SSC5D: variants seen among roughly 807,000 people sequenced by gnomAD.
The protein encoded by SSC5D is scavenger receptor cysteine rich family member with 5 domains.
Under a neutral mutation model 104.6 loss-of-function variants are expected in SSC5D, and 106 were observed. The ratio of observed to expected loss-of-function variants is 1.01; its 90% CI spans 0.87 to 1.19. SSC5D has a LOEUF of 1.19. Ranked by LOEUF, SSC5D falls within the 50% of genes most tolerant of loss-of-function variation. The pLI is 0.00. For missense variants in SSC5D, 1,993 were observed against 2,153.8 expected (o/e 0.93, Z 1.48); for synonymous variants, 860 against 883.5 (o/e 0.97, Z 0.47).
rs770025178 is a variant in SSC5D at position 55,519,037 on chromosome 19, C to CA, written c.*47dup. ...TTGAGGGGCTTAAGACACCCCCAAC[C>CA]AAAAAAAACAAAAACAAAAAAAACC... On this transcript the variant is annotated 3_prime_UTR_variant, in exon 14 of 14. Transcript: ENST00000389623. 7.9e-5 allele frequency: 118 copies of CA among 1,493,402 alleles called. No individual in the cohort carries two copies. The highest frequency in any genetic ancestry group is 4.2e-4 in the African/African-American group (29 of 69,742). The allele number at this position is 1,493,402 out of a possible 1,614,324, so 92.5% of individuals were successfully genotyped here.
chr19:55,490,302 C>T lies in SSC5D; in HGVS notation c.480C>T (p.Pro160=). The T allele has an allele frequency of 9.0e-7, 1 of 1,115,594 alleles. No homozygotes were observed. Among genetic ancestry groups the T allele is most frequent in the Non-Finnish European group, 1.3e-6 (1 of 756,820 alleles). The allele number at this position is 1,115,594 out of a possible 1,614,324, so 69.1% of individuals were successfully genotyped here. Residue 160 remains proline, a synonymous_variant, in exon 5 of 14, where the codon CCC becomes CCT. Coordinates refer to ENST00000389623, the MANE Select transcript of SSC5D (RefSeq NM_001144950.2). ...CCTGGCTGTCTCCACTCCCAGCCCC[C>T]CGCCCAGCTGGGAACCCCCAGAACG... The part of the protein sequence containing the change: ...STEEPLVTHA[P]RPAGNPQNAS...
intron 12 of SSC5D, among the ~76,000 whole-genome samples, chr19:55,507,316 C>G (rs1346851724): frequency 1.4e-5 from 2 of 144,582 alleles, no homozygotes; most frequent in Non-Finnish European, 3.0e-5. Flanking sequence ...TGCACTGCAG[C>G]CTGGATGAGT....
chr19:55,501,202 G>A lies in SSC5D; in HGVS notation c.2785+1G>A, dbSNP rs1321439150. The A allele has an allele frequency of 2.0e-6, 3 of 1,516,422 alleles. No individual in the cohort carries two copies. The highest frequency in any genetic ancestry group is 2.6e-6 in the Non-Finnish European group (3 of 1,133,076). 93.9% of individuals were successfully genotyped at this position (1,516,422 alleles called of 1,614,324 possible). A position where few individuals can be genotyped will look rare whatever the true frequency, so the allele number is the denominator to read the frequency against. ...GCAATAAGGCGCCTGCCGGACACAG[G>A]TGAGAGGCCTGATTGGGGTGGCCAT... On this transcript the variant is annotated splice_donor_variant, in intron 12 of 13. Coordinates refer to ENST00000389623, the MANE Select transcript of SSC5D (RefSeq NM_001144950.2). LOFTEE classifies it high-confidence loss of function.
At chr19:55,516,451 C>T (rs1442669433) in intron 13 of SSC5D, among the ~76,000 whole-genome samples, 5 of 151,388 alleles carry the variant, frequency 3.3e-5, no homozygotes, top group Non-Finnish European at 5.9e-5. Flanking sequence ...GAGCCGAGAT[C>T]ACGCCACTGC....
At chr19:55,502,876 C>T (rs568179227) in intron 12 of SSC5D, among the ~76,000 whole-genome samples, 20 of 151,488 alleles carry the variant, frequency 1.3e-4, no homozygotes, top group Middle Eastern at 3.4e-3. Flanking sequence ...AGTGCAGTGG[C>T]GTGGTCTCGG....
chr19:55,502,083 T>C (rs917759560), intron 12 of SSC5D, among the ~76,000 whole-genome samples: 2 of 152,052 alleles, frequency 1.3e-5, no homozygotes, highest in Admixed American at 1.3e-4. Flanking sequence ...TTAATTTTTG[T>C]AGAGACGGGC....
chr19:55,510,384 T>C (rs1987728854), intron 12 of SSC5D, among the ~76,000 whole-genome samples: 1 of 152,160 alleles, frequency 6.6e-6, no homozygotes, highest in Non-Finnish European at 1.5e-5. Flanking sequence ...ATTTTGCTCT[T>C]GTTGCCCAGG....
rs1322149727 is a variant in SSC5D, at chr19:55,500,819, C to T, written c.2617+15C>T. ...CACCTGCACTGGTACCAGGGCATGG[C>T]GGCGGTGGTGGGGTTGTCGGGGGTG... is the stretch of plus-strand genomic sequence containing the variant. On this transcript the variant is annotated intron_variant, in intron 11 of 13. Coordinates refer to ENST00000389623, the MANE Select transcript of SSC5D (RefSeq NM_001144950.2). The surrounding 1 kb of genome is among the most constrained non-coding windows in gnomAD (Gnocchi z 4.6). 6.0e-6 allele frequency: 9 copies of T among 1,491,644 alleles called. No individual in the cohort carries two copies. Among genetic ancestry groups the T allele is most frequent in the Admixed American group, 4.1e-5 (2 of 48,592 alleles). The allele number at this position is 1,491,644 out of a possible 1,614,324, so 92.4% of individuals were successfully genotyped here.
rs1237345676 is a variant in SSC5D at position 55,489,900 on chromosome 19, C to A, written c.380C>A (p.Ser127Tyr). ...VVCAGQRVANSRDDSTSPLDG... is the reference protein window; with the variant it reads ...VVCAGQRVANYRDDSTSPLDG... ...GCCGCAGGTCAGCGTGTGGCTAACT[C>A]CAGGGACGACTCAACATCTCCCCTG... The change falls in exon 4 of 14, where the codon TCC becomes TAC. Residue 127 changes from serine (S) to tyrosine (Y), a missense_variant. Ser to Tyr is a moderately radical substitution (Grantham distance 144). This residue lies in a region of SSC5D where 1,101 missense variants were observed against 1,085.0 expected (regional missense o/e 1.01). Transcript: ENST00000389623. 1 of 1,550,288 alleles carries A rather than the reference C, an allele frequency of 6.5e-7. No individual in the cohort carries two copies. Among genetic ancestry groups the A allele is most frequent in the South Asian group, 1.2e-5 (1 of 84,028 alleles).
intron 13 of SSC5D, among the ~76,000 whole-genome samples, chr19:55,516,424 G>A (rs1277834755): frequency 1.3e-5 from 2 of 151,912 alleles, no homozygotes; most frequent in Non-Finnish European, 2.9e-5. Context: ...GTGAACCCGG[G>A]AGGCGGAGCT....
Position 55,497,929 on chromosome 19 carries a change from A to G in SSC5D, c.1437A>G (p.Arg479=). The change falls in exon 9 of 14, where the codon CGA becomes CGG. Residue 479 remains arginine, a synonymous_variant. Coordinates refer to ENST00000389623, the MANE Select transcript of SSC5D (RefSeq NM_001144950.2). The part of the protein sequence containing the change: ...LVAGPSKCSG[R]LEVWHDQRWG... Reference sequence around the variant, plus strand: ...CTGGGCCCAGCAAGTGCTCAGGTCGACTGGAGGTGTGGCATGACCAGCGCT... The same window carrying G: ...CTGGGCCCAGCAAGTGCTCAGGTCGGCTGGAGGTGTGGCATGACCAGCGCT... 1 of 1,550,920 alleles carries G rather than the reference A, an allele frequency of 6.4e-7. No homozygotes were observed. Among genetic ancestry groups the G allele is most frequent in the Non-Finnish European group, 8.7e-7 (1 of 1,146,354 alleles).
chr19:55,508,667 TG>T (rs5828626), intron 12 of SSC5D, among the ~76,000 whole-genome samples: 34,226 of 98,006 alleles, frequency 0.35, 12,462 homozygotes, highest in African/African-American at 0.57. Flanking sequence ...CCACAGGGGA[TG>T]GGGGGAGGCC....
At chr19:55,490,034 G>A (rs559085847) in intron 4 of SSC5D, 39 bp downstream of exon 4, 24 of 1,433,922 alleles carry the variant, frequency 1.7e-5, no homozygotes, top group South Asian at 1.5e-4. Context: ...CCCACCCAGC[G>A]TGCCCTCCTG....
At chr19:55,511,319 C>G (rs530433073) in intron 12 of SSC5D, among the ~76,000 whole-genome samples, 1 of 152,286 alleles carries the variant, frequency 6.6e-6, no homozygotes, top group East Asian at 1.9e-4. Context: ...ATTGGGACCA[C>G]TAGCCACAGA....
Position 55,490,370 on chromosome 19 carries a change from C to A in SSC5D, c.548C>A (p.Thr183Asn). The change falls in exon 5 of 14, where the codon ACC becomes AAC. Residue 183 changes from threonine to asparagine, a missense_variant. This residue lies in a region of SSC5D where 1,101 missense variants were observed against 1,085.0 expected (regional missense o/e 1.01). Transcript: ENST00000389623. ...CCCCGGCCCAAGCAGGCCAAGTCCA[C>A]CCGGGCCCCTCTGCTGACGACAGGA... The part of the protein sequence containing the change: ...KSPRPKQAKS[T>N]RAPLLTTGAP... 6.6e-7 allele frequency: 1 copy of A among 1,520,676 alleles called. No homozygotes were observed. Among genetic ancestry groups the A allele is most frequent in the Non-Finnish European group, 8.9e-7 (1 of 1,125,254 alleles). The allele number at this position is 1,520,676 out of a possible 1,614,324, so 94.2% of individuals were successfully genotyped here.
Position 55,507,665 on chromosome 19 carries a change from C to CAAAA in SSC5D, c.2786-5326_2786-5323dup, listed in dbSNP as rs61340967. 1.1e-4 allele frequency among the ~76,000 whole-genome samples: 8 copies of CAAAA among 75,932 alleles called. 1 individual carries two copies. Among genetic ancestry groups the CAAAA allele is most frequent in the Admixed American group, 1.8e-4 (1 of 5,572 alleles). The allele number at this position is 75,932 out of a possible 152,430, so 49.8% of individuals were successfully genotyped here. ...TGGGTGACAGAGCGAGACTCCGTCT[C>CAAAA]AAAAAAAAAAAAAAAAAAAAAAAGA... On this transcript the variant is annotated intron_variant, in intron 12 of 13. Coordinates refer to ENST00000389623, the MANE Select transcript of SSC5D (RefSeq NM_001144950.2).
At chr19:55,510,074 T>G (rs1987724010) in intron 12 of SSC5D, among the ~76,000 whole-genome samples, 1 of 152,016 alleles carries the variant, frequency 6.6e-6, no homozygotes, top group Non-Finnish European at 1.5e-5. Context: ...CACAGCTCAC[T>G]GCAACCTCCG....
In SSC5D at chr19:55,501,154, G is replaced by A. The variant is rs61742660; in HGVS notation, c.2738G>A (p.Arg913Gln). ...CACACTCTCCCCTGGAGGACCACCC[G>A]GCGCCCGGGTAGCTCCTCCCCAGCA... Reference protein sequence around the residue: ...PGHTLPWRTTRRPGSSSPAIR... With the variant: ...PGHTLPWRTTQRPGSSSPAIR... Residue 913 changes from arginine to glutamine, a missense_variant, in exon 12 of 14, where the codon CGG (arginine) becomes CAG (glutamine). By Grantham distance (43) the Arg-to-Gln change is conservative. Coordinates refer to ENST00000389623, the MANE Select transcript of SSC5D (RefSeq NM_001144950.2). 1.7e-5 allele frequency: 26 copies of A among 1,548,350 alleles called. No individual in the cohort carries two copies. In the East Asian group the frequency reaches 2.7e-4, roughly 16 times the overall value.
Position 55,509,368 on chromosome 19 carries a change from C to T in SSC5D, c.2786-3643C>T, listed in dbSNP as rs951362351. Among the ~76,000 whole-genome samples the T allele has an allele frequency of 5.3e-5, 8 of 152,146 alleles. No homozygotes were observed. In the East Asian group the frequency reaches 7.7e-4, roughly 15 times the overall value. ...ATACAGCAATTCCACAACGAGGCGT[C>T]GAGAAATTCTCGCCCATGAGCCTAA... is the stretch of plus-strand genomic sequence containing the variant. On this transcript the variant is annotated intron_variant, in intron 12 of 13. Coordinates refer to ENST00000389623, the MANE Select transcript of SSC5D (RefSeq NM_001144950.2).
Sources: gnomAD v4.1 joint callset for allele counts (sites outside exome capture counted in the v4.1 genomes callset) on GRCh38, gnomAD v4.1.1 for gene constraint, gnomAD v4.1.1 regional missense constraint, Gnocchi (gnomAD v3.1) non-coding constraint, MANE v1.5 for transcripts, NCBI Gene and HGNC (gene_info 2026-07-23, HGNC 2026-07-21) for gene names.